PTBP3: variants seen among roughly 807,000 people sequenced by gnomAD.
The protein encoded by PTBP3 is polypyrimidine tract-binding protein 3.
PTBP3 carries 20 observed loss-of-function variants against 58.7 expected under a neutral mutation model. That is an observed-to-expected ratio of 0.34 (90% CI 0.24 to 0.50). The LOEUF (loss-of-function observed/expected upper bound fraction) is 0.50. PTBP3 is among the 20% of genes least tolerant of loss of function. The pLI, the probability that PTBP3 is intolerant of heterozygous loss-of-function variation, is 0.98. For synonymous variants in PTBP3, 185 were observed against 219.8 expected (o/e 0.84, Z 1.40); for missense variants, 509 against 637.2 (o/e 0.80, Z 2.17).
At chr9:112,317,110 T>C (rs1190850273) in intron 1 of PTBP3, among the ~76,000 whole-genome samples, 1 of 151,382 alleles carries the variant, frequency 6.6e-6, no homozygotes, top group African/African-American at 2.4e-5. Context: ...CAAAACCCCA[T>C]CTCTACAAAA....
chr9:112,318,112 C>T (rs190155662), intron 1 of PTBP3, among the ~76,000 whole-genome samples: 48 of 152,182 alleles, frequency 3.2e-4, no homozygotes, highest in African/African-American at 1.1e-3. Context: ...AAAAGGGCAT[C>T]TAAGAAAAAC....
In PTBP3 at chr9:112,233,484, T is replaced by C. The variant is rs550056063; in HGVS notation, c.881-1246A>G. On this transcript the variant is annotated intron_variant, in intron 8 of 13. Coordinates refer to ENST00000374257, the MANE Select transcript of PTBP3 (RefSeq NM_001163788.4). The stretch of plus-strand genomic sequence containing the variant: ...ACCAATTGTTAAACCTTGAGGAGCT[T>C]CAAATAAATAAACTATGTTTTTAAC... Among the ~76,000 whole-genome samples, 10 of 152,144 alleles carry C rather than the reference T, an allele frequency of 6.6e-5. No individual in the cohort carries two copies. In the South Asian group the frequency reaches 1.9e-3, roughly 28 times the overall value.
chr9:112,357,667 T>C, the PTBP3 span, among the ~76,000 whole-genome samples: 6 of 152,108 alleles, frequency 3.9e-5, no homozygotes, highest in Non-Finnish European at 8.8e-5. Flanking sequence ...GTGTTCTTTA[T>C]AGCAATTTTT....
chr9:112,356,837 C>T, the PTBP3 span, among the ~76,000 whole-genome samples: 20 of 147,118 alleles, frequency 1.4e-4, no homozygotes, highest in Non-Finnish European at 2.4e-4. Flanking sequence ...TTGGCCCCAA[C>T]CATTTCATTT....
intron 2 of PTBP3, among the ~76,000 whole-genome samples, chr9:112,287,426 G>A (rs540992059): frequency 3.1e-5 from 4 of 130,552 alleles, no homozygotes; most frequent in East Asian, 4.9e-4. Context: ...TGCAACCTCC[G>A]CCCCCGGGGG....
chr9:112,342,751 A>AAGG, the PTBP3 span, among the ~76,000 whole-genome samples: 1 of 152,008 alleles, frequency 6.6e-6, no homozygotes, highest in Admixed American at 6.6e-5. Flanking sequence ...GAAGAAGAAG[A>AAGG]AAGAGAGATT....
intron 7 of PTBP3, among the ~76,000 whole-genome samples, chr9:112,235,928 G>C (rs1004968449): frequency 3.3e-5 from 5 of 152,030 alleles, no homozygotes; most frequent in Non-Finnish European, 7.4e-5. Context: ...GTTTCAAAAG[G>C]GGGATAGGGA....
intron 7 of PTBP3, among the ~76,000 whole-genome samples, chr9:112,249,892 C>T (rs1001406501): frequency 2.6e-5 from 4 of 151,610 alleles, no homozygotes; most frequent in African/African-American, 9.7e-5. Flanking sequence ...ACCTTTGTCA[C>T]TGCCAAATCA....
In PTBP3 at chr9:112,275,898, T is replaced by G; in HGVS notation, c.150A>C (p.Leu50Phe). ...CDVTEAEIIS[L>F]GLPFGKVTNL... ...TAGTTACTTTGCCAAATGGTAGACCTAATGATATGATCTCTGCTTCGGTGA... is the reference window on the plus strand; with the variant it reads ...TAGTTACTTTGCCAAATGGTAGACCGAATGATATGATCTCTGCTTCGGTGA... Residue 50 changes from leucine to phenylalanine, a missense_variant, in exon 3 of 14, where the codon TTA (leucine) becomes TTC (phenylalanine). Leu to Phe is a conservative substitution (Grantham distance 22). This residue lies in a region of PTBP3 where 212 missense variants were observed against 215.3 expected (regional missense o/e 0.98). Transcript: ENST00000374257. The G allele has an allele frequency of 1.2e-6, 2 of 1,614,004 alleles. No individual in the cohort carries two copies. The highest frequency in any genetic ancestry group is 1.7e-6 in the Non-Finnish European group (2 of 1,179,860).
At chr9:112,266,880 A>T (rs1394123506) in intron 4 of PTBP3, among the ~76,000 whole-genome samples, 1 of 152,210 alleles carries the variant, frequency 6.6e-6, no homozygotes, top group Non-Finnish European at 1.5e-5. Context: ...CCTATGTACA[A>T]CTTGTAATGA....
At chr9:112,304,508 C>T (rs1385229894) in intron 1 of PTBP3, among the ~76,000 whole-genome samples, 1 of 152,192 alleles carries the variant, frequency 6.6e-6, no homozygotes, top group Non-Finnish European at 1.5e-5. Flanking sequence ...TGAATCTATG[C>T]TCCGCTCTAT....
At chr9:112,279,097 T>C (rs1827748682) in intron 2 of PTBP3, among the ~76,000 whole-genome samples, 1 of 152,170 alleles carries the variant, frequency 6.6e-6, no homozygotes, top group Admixed American at 6.5e-5. Context: ...GAAAGGGTTA[T>C]ATGTAAAGAT....
chr9:112,333,790 C>T, upstream of PTBP3: 1 of 254,964 alleles, frequency 3.9e-6, no homozygotes, highest in Non-Finnish European at 7.4e-6. Flanking sequence ...AGCCGGCCTC[C>T]GGCTCAGCTC....
rs1268871231 is a variant in PTBP3 at position 112,320,290 on chromosome 9, AAATATATATAT to A, written c.-52+13169_-52+13179del. 1.5e-4 allele frequency among the ~76,000 whole-genome samples: 8 copies of A among 54,116 alleles called. No individual in the cohort carries two copies. In the East Asian group the frequency reaches 2.5e-3, roughly 17 times the overall value. 35.5% of individuals were successfully genotyped at this position (54,116 alleles called of 152,430 possible). A position where few individuals can be genotyped will look rare whatever the true frequency, so the allele number is the denominator to read the frequency against. On this transcript the variant is annotated intron_variant, in intron 1 of 13. Coordinates refer to ENST00000374257, the MANE Select transcript of PTBP3 (RefSeq NM_001163788.4). ...GAGACCCTTTCTCTTAAAAAAAAAA[AAATATATATAT>A]ATATATATATATATTTTTTTTTAAG...
At chr9:112,250,842 A>C in intron 7 of PTBP3, 87 bp downstream of exon 7, 1 of 1,246,386 alleles carries the variant, frequency 8.0e-7, no homozygotes, top group Non-Finnish European at 1.1e-6. Flanking sequence ...ACTCGAGAAG[A>C]AAAAGGCTTA....
intron 5 of PTBP3, among the ~76,000 whole-genome samples, chr9:112,259,782 T>A (rs1185525946): frequency 1.3e-5 from 2 of 152,234 alleles, no homozygotes; most frequent in East Asian, 3.8e-4. Context: ...TACAACCAAC[T>A]CCATACTTCT....
Position 112,221,569 on chromosome 9 carries a change from G to A in PTBP3, c.*2282C>T. On this transcript the variant is annotated 3_prime_UTR_variant, in exon 14 of 14. Transcript: ENST00000374257. ...AGGGAAAAAAAAGCAAGTTTTGGGA[G>A]ATTTTGCAAAGAAATTTTTTTCCTC... The A allele has an allele frequency of 4.1e-6, 4 of 985,528 alleles. No individual in the cohort carries two copies. 61.0% of individuals were successfully genotyped at this position (985,528 alleles called of 1,614,324 possible).
chr9:112,298,253 G>A (rs1358471178), intron 1 of PTBP3, among the ~76,000 whole-genome samples: 2 of 152,166 alleles, frequency 1.3e-5, no homozygotes, highest in Non-Finnish European at 2.9e-5. Flanking sequence ...ATATTTGTAT[G>A]CAAATAGTTT....
At chr9:112,310,209 C>T (rs1829418923) in intron 1 of PTBP3, among the ~76,000 whole-genome samples, 1 of 152,166 alleles carries the variant, frequency 6.6e-6, no homozygotes, top group Non-Finnish European at 1.5e-5. Flanking sequence ...GAAATTTTTT[C>T]AATGAGCAGC....
Sources: gnomAD v4.1 joint callset for allele counts (sites outside exome capture counted in the v4.1 genomes callset) on GRCh38, gnomAD v4.1.1 for gene constraint, gnomAD v4.1.1 regional missense constraint, MANE v1.5 for transcripts, NCBI Gene and HGNC (gene_info 2026-07-23, HGNC 2026-07-21) for gene names.